KYAT3: variants seen among roughly 807,000 people sequenced by gnomAD.
KYAT3 encodes kynurenine--oxoglutarate transaminase 3.
In KYAT3, 50 loss-of-function variants were observed where a neutral mutation model predicts 59.0. That is an observed-to-expected ratio of 0.85 (90% CI 0.68 to 1.07). KYAT3 has a LOEUF of 1.07. Among genes scored for constraint, KYAT3 ranks in the 50% least tolerant of loss-of-function variants. KYAT3 has a pLI of 0.00. For synonymous variants in KYAT3, 148 were observed against 177.0 expected (o/e 0.84, Z 1.30); for missense variants, 497 against 533.3 (o/e 0.93, Z 0.67).
intron 2 of KYAT3, among the ~76,000 whole-genome samples, chr1:88,977,453 C>T (rs555423280): frequency 2.0e-5 from 3 of 152,180 alleles, no homozygotes; most frequent in Non-Finnish European, 2.9e-5. Context: ...CTGCCCTACT[C>T]GGCCTCCCAA....
At chr1:88,948,091 C>CAAACA (rs58858903) in intron 11 of KYAT3, among the ~76,000 whole-genome samples, 15,010 of 146,020 alleles carry the variant, frequency 0.1, 1,395 homozygotes, top group African/African-American at 0.25. Context: ...GACCCTGCCT[C>CAAACA]AAACAAAACA....
chr1:88,983,824 C>CCTTTTTTTTTTT (rs1186134383), intron 2 of KYAT3: 1 of 1,612,448 alleles, frequency 6.2e-7, no homozygotes, highest in African/African-American at 1.3e-5. Context: ...CTGCTTCAAC[C>CCTTTTTTTTTTT]ATTTTTTTTT....
chr1:88,938,310 AT>A (rs1675112153), intron 13 of KYAT3, among the ~76,000 whole-genome samples: 1 of 152,164 alleles, frequency 6.6e-6, no homozygotes, highest in African/African-American at 2.4e-5. Flanking sequence ...ATTTCATTAT[AT>A]ATTTTTCCAG....
At chr1:88,988,172 A>G (rs1047446219) in intron 2 of KYAT3, 80 bp downstream of exon 2, 4 of 877,560 alleles carry the variant, frequency 4.6e-6, no homozygotes, top group African/African-American at 3.4e-5. Flanking sequence ...GTATTTGTAA[A>G]AAAGCATCTG....
At chr1:88,947,862 G>A (rs1450619357) in intron 11 of KYAT3, among the ~76,000 whole-genome samples, 1 of 152,206 alleles carries the variant, frequency 6.6e-6, no homozygotes, top group Non-Finnish European at 1.5e-5. Flanking sequence ...GCTGAGGCAG[G>A]TGGATCACTC....
chr1:88,974,910 AGCAGGATGTGG>A (rs1676713434), intron 2 of KYAT3, among the ~76,000 whole-genome samples: 2 of 152,240 alleles, frequency 1.3e-5, no homozygotes, highest in Admixed American at 6.5e-5. Context: ...TGGACCAATC[AGCAGGATGTGG>A]GCAGGGCCAA....
rs184712364 is a variant in KYAT3 at position 88,953,505 on chromosome 1, C to T, written c.865-353G>A. Among the ~76,000 whole-genome samples, 36 of 143,550 alleles carry T rather than the reference C, an allele frequency of 2.5e-4. No individual in the cohort carries two copies. In the East Asian group the frequency reaches 5.3e-3, roughly 21 times the overall value. 94.2% of individuals were successfully genotyped at this position (143,550 alleles called of 152,430 possible). On this transcript the variant is annotated intron_variant, in intron 9 of 13. Transcript: ENST00000260508. ...AGGTTGCAGTGAGCTGAGATCACAG[C>T]ACTGCACTCCAACCTGGGCAACAGA...
chr1:88,928,808 C>T, the KYAT3 span, among the ~76,000 whole-genome samples: 4 of 152,160 alleles, frequency 2.6e-5, no homozygotes, highest in African/African-American at 9.7e-5. Context: ...TCCTCCAGAT[C>T]TGTCACTATC....
At position 88,992,626 on chromosome 1, in the gene KYAT3, G is replaced by C. The variant is rs1337737080; in HGVS notation, c.-43C>G. Reference sequence around the variant, plus strand: ...CCTCGCCTCCCTAGGCTCGAGTCCCGACTGGGCTTGAGGGCCCGGCTGGGC... The same window carrying C: ...CCTCGCCTCCCTAGGCTCGAGTCCCCACTGGGCTTGAGGGCCCGGCTGGGC... On this transcript the variant is annotated 5_prime_UTR_variant, in exon 1 of 14. Transcript: ENST00000260508. 1 of 152,872 alleles carries C rather than the reference G, an allele frequency of 6.5e-6. No individual in the cohort carries two copies. The highest frequency in any genetic ancestry group is 1.5e-5 in the Non-Finnish European group (1 of 68,452). 9.5% of individuals were successfully genotyped at this position (152,872 alleles called of 1,614,324 possible). A position where few individuals can be genotyped will look rare whatever the true frequency, so the allele number is the denominator to read the frequency against.
At chr1:88,945,134 G>A (rs1278902386) in intron 11 of KYAT3, among the ~76,000 whole-genome samples, 1 of 151,288 alleles carries the variant, frequency 6.6e-6, no homozygotes, top group African/African-American at 2.4e-5. Flanking sequence ...CTGAGCCATG[G>A]TACCCTGCCA....
At chr1:88,959,313 T>C (rs1168047619) in intron 8 of KYAT3, among the ~76,000 whole-genome samples, 1 of 150,160 alleles carries the variant, frequency 6.7e-6, no homozygotes, top group African/African-American at 2.5e-5. Flanking sequence ...GCACGGTGGC[T>C]CACACCTGTA....
intron 5 of KYAT3, 94 bp from the exon 6 acceptor site, chr1:88,962,239 G>T: frequency 1.1e-6 from 1 of 948,596 alleles, no homozygotes. Context: ...TGTACTATGT[G>T]TTGGGATACA....
downstream of KYAT3, among the ~76,000 whole-genome samples, chr1:88,930,887 C>T (rs191428921): frequency 4.6e-5 from 7 of 152,202 alleles, no homozygotes; most frequent in East Asian, 5.8e-4. Context: ...AGAAGGGAAT[C>T]GCCAAGCAGA....
At chr1:88,955,030 T>C in intron 9 of KYAT3, 119 bp downstream of exon 9, 1 of 661,890 alleles carries the variant, frequency 1.5e-6, no homozygotes, top group South Asian at 1.7e-5. Flanking sequence ...CCTCCCAAAG[T>C]GCTGGGATTA....
downstream of KYAT3, among the ~76,000 whole-genome samples, chr1:88,934,753 G>A (rs1482917923): frequency 1.3e-5 from 2 of 152,078 alleles, no homozygotes; most frequent in Non-Finnish European, 1.5e-5. Flanking sequence ...AAGATTTAAG[G>A]GAGCCGATAG....
intron 2 of KYAT3, among the ~76,000 whole-genome samples, chr1:88,974,632 C>T (rs915509781): frequency 6.6e-6 from 1 of 151,838 alleles, no homozygotes; most frequent in East Asian, 1.9e-4. Context: ...CTTCCTGGGT[C>T]GAGTGGGGAC....
intron 2 of KYAT3, chr1:88,983,876 A>G (rs1677271087): frequency 6.2e-7 from 1 of 1,611,340 alleles, no homozygotes; most frequent in South Asian, 1.1e-5. Flanking sequence ...TCAAGCTCCA[A>G]CAAGCTCGCC....
At chr1:88,971,725 G>T (rs991023120) in intron 2 of KYAT3, among the ~76,000 whole-genome samples, 2 of 152,014 alleles carry the variant, frequency 1.3e-5, no homozygotes, top group African/African-American at 4.8e-5. Context: ...ACCCTTCCTT[G>T]CACTTGGCTA....
At chr1:88,944,660 T>TA (rs1189027760) in intron 11 of KYAT3, among the ~76,000 whole-genome samples, 1 of 152,164 alleles carries the variant, frequency 6.6e-6, no homozygotes, top group African/African-American at 2.4e-5. Flanking sequence ...CTAAAAAACT[T>TA]AGTCTAATTG....
Sources: gnomAD v4.1 joint callset for allele counts (sites outside exome capture counted in the v4.1 genomes callset) on GRCh38, gnomAD v4.1.1 for gene constraint, MANE v1.5 for transcripts, NCBI Gene and HGNC (gene_info 2026-07-23, HGNC 2026-07-21) for gene names.